The following CTNND2 variants were observed in gnomAD, a reference collection of about 807,000 sequenced individuals.
CTNND2 encodes catenin delta-2.
Under a neutral mutation model 144.4 loss-of-function variants are expected in CTNND2, and 22 were observed. The ratio of observed to expected loss-of-function variants is 0.15; its 90% CI spans 0.11 to 0.22. The LOEUF is 0.22. CTNND2 is among the 10% of genes least tolerant of loss of function. The probability of loss-of-function intolerance (pLI) is 1.00; values close to 1 mark genes in which losing one functional copy is unlikely to be tolerated. For missense variants in CTNND2, 1,353 were observed against 1,618.8 expected (o/e 0.84, Z 2.82); for synonymous variants, 751 against 695.6 (o/e 1.08, Z -1.25).
intron 2 of CTNND2, among the ~76,000 whole-genome samples, chr5:11,656,418 G>A (rs375123267): frequency 7.5e-5 from 11 of 146,796 alleles, no homozygotes; most frequent in Non-Finnish European, 7.5e-5. Context: ...AACACTCCCA[G>A]AAAAAAAAAA....
intron 2 of CTNND2, among the ~76,000 whole-genome samples, chr5:11,685,076 T>C (rs1784584838): frequency 6.6e-6 from 1 of 152,250 alleles, no homozygotes; most frequent in Non-Finnish European, 1.5e-5. Flanking sequence ...AACAGTGTAG[T>C]ATCTTCAATT....
At chr5:10,998,514 C>G (rs1253673560) in intron 18 of CTNND2, among the ~76,000 whole-genome samples, 1 of 152,204 alleles carries the variant, frequency 6.6e-6, no homozygotes, top group Non-Finnish European at 1.5e-5. Flanking sequence ...TCCATCTCCC[C>G]TCTCTCATTC....
intron 1 of CTNND2, among the ~76,000 whole-genome samples, chr5:11,841,275 TATAAG>T (rs1794458092): frequency 6.6e-6 from 1 of 152,178 alleles, no homozygotes; most frequent in Non-Finnish European, 1.5e-5. Context: ...CTACTAGCCT[TATAAG>T]ATGTCTAAAG....
At chr5:11,431,259 C>T (rs1213013193) in intron 3 of CTNND2, among the ~76,000 whole-genome samples, 1 of 152,088 alleles carries the variant, frequency 6.6e-6, no homozygotes, top group African/African-American at 2.4e-5. Context: ...AGCTAAAACA[C>T]CATTAAGTCC....
At chr5:11,774,964 C>G (rs1379437191) in intron 1 of CTNND2, among the ~76,000 whole-genome samples, 1 of 152,156 alleles carries the variant, frequency 6.6e-6, no homozygotes. Flanking sequence ...TACATCCAAT[C>G]CCATCCTAGT....
At chr5:11,703,754 A>T (rs757670901) in intron 2 of CTNND2, among the ~76,000 whole-genome samples, 5 of 152,196 alleles carry the variant, frequency 3.3e-5, no homozygotes, top group Non-Finnish European at 7.3e-5. Context: ...AAAAAGGGTG[A>T]ATTTGAATTA....
At chr5:11,325,919 T>C (rs975688000) in intron 9 of CTNND2, among the ~76,000 whole-genome samples, 25 of 152,312 alleles carry the variant, frequency 1.6e-4, no homozygotes, top group African/African-American at 5.8e-4. Context: ...CAAATGGCTT[T>C]TGTGTCCTGT....
At chr5:11,111,936 T>C (rs1753029936) in intron 13 of CTNND2, among the ~76,000 whole-genome samples, 1 of 150,108 alleles carries the variant, frequency 6.7e-6, no homozygotes. Flanking sequence ...AAGCTCCGCC[T>C]CCCAGGTTCA....
chr5:11,688,774 G>A (rs555964900), intron 2 of CTNND2, among the ~76,000 whole-genome samples: 3 of 152,260 alleles, frequency 2.0e-5, no homozygotes, highest in Admixed American at 2.0e-4. Flanking sequence ...ATGACACAGA[G>A]AGCATCCCTA....
intron 1 of CTNND2, among the ~76,000 whole-genome samples, chr5:11,761,242 T>C (rs1280207945): frequency 6.6e-6 from 1 of 152,196 alleles, no homozygotes; most frequent in Non-Finnish European, 1.5e-5. Flanking sequence ...CTGAGAACGA[T>C]GCTAAATTTA....
intron 2 of CTNND2, among the ~76,000 whole-genome samples, chr5:11,702,401 G>A (rs1407627747): frequency 1.3e-5 from 2 of 152,164 alleles, no homozygotes; most frequent in African/African-American, 4.8e-5. Flanking sequence ...TTGCCCTATA[G>A]TTACATGGAA....
chr5:11,441,799 C>T (rs1182664294), intron 3 of CTNND2, among the ~76,000 whole-genome samples: 1 of 152,146 alleles, frequency 6.6e-6, no homozygotes, highest in Non-Finnish European at 1.5e-5. Flanking sequence ...ATCCATCATA[C>T]TGTCTTCTCC....
intron 6 of CTNND2, among the ~76,000 whole-genome samples, chr5:11,392,534 T>C (rs1759726000): frequency 6.6e-6 from 1 of 152,098 alleles, no homozygotes; most frequent in East Asian, 1.9e-4. Flanking sequence ...GAAGAGAAAA[T>C]GTTACAGCAA....
chr5:11,740,072 C>T (rs1787913863), intron 1 of CTNND2, among the ~76,000 whole-genome samples: 1 of 152,190 alleles, frequency 6.6e-6, no homozygotes, highest in Non-Finnish European at 1.5e-5. Context: ...ATTCCATGCT[C>T]ATGGATAGGA....
At chr5:11,589,282 A>AACACACATAC (rs1554090551) in intron 2 of CTNND2, among the ~76,000 whole-genome samples, 1 of 146,620 alleles carries the variant, frequency 6.8e-6, no homozygotes, top group Non-Finnish European at 1.5e-5. Context: ...TTAACATTAA[A>AACACACATAC]ACACACACAC....
intron 11 of CTNND2, among the ~76,000 whole-genome samples, chr5:11,163,872 T>C (rs7703504): frequency 0.3 from 46,141 of 152,122 alleles, 8,596 homozygotes; most frequent in Non-Finnish European, 0.43. Flanking sequence ...TTTCTTTAAT[T>C]TGGAATAATC....
At position 11,691,351 on chromosome 5, in the gene CTNND2, G is replaced by A. The variant is rs557134131; in HGVS notation, c.174+40785C>T. 8.0e-5 allele frequency among the ~76,000 whole-genome samples: 12 copies of A among 150,616 alleles called. No individual in the cohort carries two copies. In the East Asian group the frequency reaches 2.1e-3, roughly 27 times the overall value. ...TGCGCCACTTCACTCCAGCCTGGGC[G>A]ACAGAGCGAGACTCTGTCTCAAAAA... On this transcript the variant is annotated intron_variant, in intron 2 of 21. Coordinates refer to ENST00000304623, the MANE Select transcript of CTNND2 (RefSeq NM_001332.4).
At chr5:11,742,842 A>C (rs1280219915) in intron 1 of CTNND2, among the ~76,000 whole-genome samples, 2 of 152,212 alleles carry the variant, frequency 1.3e-5, no homozygotes, top group Non-Finnish European at 2.9e-5. Flanking sequence ...GGTACACAGA[A>C]TGTGTGGATT....
intron 1 of CTNND2, among the ~76,000 whole-genome samples, chr5:11,734,406 C>G (rs760222524): frequency 6.6e-6 from 1 of 152,124 alleles, no homozygotes; most frequent in African/African-American, 2.4e-5. Flanking sequence ...GCAGGTTTTG[C>G]CCATGCTGTT....
Sources: allele counts gnomAD v4.1 joint callset (sites outside exome capture counted in the v4.1 genomes callset), GRCh38; gene constraint gnomAD v4.1.1; transcripts MANE v1.5; gene names NCBI Gene and HGNC (gene_info 2026-07-23, HGNC 2026-07-21).